The following GPC1 variants were observed in gnomAD, a reference collection of about 807,000 sequenced individuals.
GPC1 encodes the protein glypican 1.
GPC1 carries 26 observed loss-of-function variants against 51.5 expected under a neutral mutation model. That is an observed-to-expected ratio of 0.50 (90% CI 0.37 to 0.70). The LOEUF (loss-of-function observed/expected upper bound fraction) is 0.70. Among genes scored for constraint, GPC1 ranks in the 30% least tolerant of loss-of-function variants. The probability of loss-of-function intolerance (pLI) is 0.00; values close to 1 mark genes in which losing one functional copy is unlikely to be tolerated. For missense variants in GPC1, 775 were observed against 800.5 expected, an observed-to-expected ratio of 0.97 and a Z score of 0.38; for synonymous variants, 380 against 348.3, an observed-to-expected ratio of 1.09 and a Z score of -1.01.
intron 1 of GPC1, among the ~76,000 whole-genome samples, chr2:240,444,434 C>T (rs1377002949): frequency 3.9e-5 from 6 of 152,210 alleles, no homozygotes; most frequent in African/African-American, 7.2e-5. Flanking sequence ...CGTCCTCACC[C>T]GCTGGTCCAT....
Position 240,440,546 on chromosome 2 carries a change from C to T in GPC1, c.166+4462C>T, listed in dbSNP as rs190555306. On this transcript the variant is annotated intron_variant, in intron 1 of 8. Coordinates refer to ENST00000264039, the MANE Select transcript of GPC1 (RefSeq NM_002081.3). ...ACGTTTAACCGGGACTCCTCCTGGC[C>T]TCCCTGCCTCCGGTCCTGCCCAGCT... 4.0e-5 allele frequency among the ~76,000 whole-genome samples: 6 copies of T among 151,880 alleles called. No individual in the cohort carries two copies. In the East Asian group the frequency reaches 1.2e-3, roughly 30 times the overall value.
chr2:240,436,199 G>T, intron 1 of GPC1, 115 bp downstream of exon 1: 1 of 662,752 alleles, frequency 1.5e-6, no homozygotes, highest in East Asian at 3.5e-5. Context: ...CCTGCGCCCC[G>T]CCGCCCGGGC....
At chr2:240,451,082 G>A (rs982234358) in intron 1 of GPC1, 10 of 469,746 alleles carry the variant, frequency 2.1e-5, no homozygotes, top group Non-Finnish European at 4.4e-5. Flanking sequence ...GAAGTGGTTG[G>A]GTCGGAGGTG....
rs764849163 is a variant in GPC1, at chr2:240,462,527, G to T, written c.662G>T (p.Arg221Leu). The T allele has an allele frequency of 3.2e-6, 5 of 1,576,478 alleles. No homozygotes were observed. The highest frequency in any genetic ancestry group is 3.5e-5 in the Admixed American group (2 of 56,900). The change falls in exon 3 of 9, where the codon CGC becomes CTC. Residue 221 changes from arginine (R) to leucine (L), a missense_variant. By Grantham distance (102) the Arg-to-Leu change is moderately radical. Coordinates refer to ENST00000264039, the MANE Select transcript of GPC1 (RefSeq NM_002081.3). Reference protein sequence around the residue: ...LRATRAFVAARSFVQGLGVAS... With the variant: ...LRATRAFVAALSFVQGLGVAS... ...GCCACCCGTGCCTTCGTGGCTGCTCGCTCCTTTGTGCAGGGCCTGGGCGTG... is the reference window on the plus strand; with the variant it reads ...GCCACCCGTGCCTTCGTGGCTGCTCTCTCCTTTGTGCAGGGCCTGGGCGTG...
At chr2:240,456,624 T>C in intron 1 of GPC1, 1 of 470,780 alleles carries the variant, frequency 2.1e-6, no homozygotes, top group East Asian at 7.0e-5. Flanking sequence ...ACCTGTGCTC[T>C]CCTGGTCTGG....
intron 1 of GPC1, among the ~76,000 whole-genome samples, chr2:240,455,560 GA>G (rs1428882894): frequency 6.6e-6 from 1 of 152,214 alleles, no homozygotes; most frequent in East Asian, 1.9e-4. Flanking sequence ...GAAGGAGAGG[GA>G]GAGGGACATG....
intron 1 of GPC1, chr2:240,458,229 G>C (rs1174033823): frequency 2.6e-6 from 1 of 389,148 alleles, no homozygotes; most frequent in African/African-American, 2.1e-5. Context: ...ACCCATTCCA[G>C]GTGGGCCCTG....
chr2:240,439,723 T>A (rs1428073153), intron 1 of GPC1, among the ~76,000 whole-genome samples: 3 of 152,122 alleles, frequency 2.0e-5, no homozygotes, highest in African/African-American at 7.2e-5. Flanking sequence ...TCAGCGGGCC[T>A]CTCGGAGGCT....
chr2:240,458,349 C>G, intron 1 of GPC1: 1 of 273,906 alleles, frequency 3.7e-6, no homozygotes, highest in Non-Finnish European at 7.6e-6. Flanking sequence ...GCCTCGGACG[C>G]TGGAGCAGAG....
chr2:240,444,145 C>T (rs1002817993), intron 1 of GPC1, among the ~76,000 whole-genome samples: 3 of 152,172 alleles, frequency 2.0e-5, no homozygotes, highest in South Asian at 4.1e-4. Flanking sequence ...GGACACACAC[C>T]GCAGGAGGGC....
chr2:240,459,289 A>T, intron 2 of GPC1, 101 bp downstream of exon 2: 2 of 1,152,446 alleles, frequency 1.7e-6, no homozygotes, highest in Non-Finnish European at 1.2e-6. Flanking sequence ...AGGGTGGGGG[A>T]TTGGCAGGAG....
At chr2:240,456,001 G>A (rs1349217248) in intron 1 of GPC1, 3 of 430,294 alleles carry the variant, frequency 7.0e-6, no homozygotes, top group Non-Finnish European at 1.4e-5. Flanking sequence ...GGGCTCCCAG[G>A]CCGGCGCCCG....
chr2:240,461,057 A>T (rs559319777), intron 2 of GPC1, among the ~76,000 whole-genome samples: 1 of 130,958 alleles, frequency 7.6e-6, no homozygotes, highest in African/African-American at 3.1e-5. Context: ...CTGCACCTGG[A>T]TTTGGCCCAT....
chr2:240,459,546 G>A (rs1047426106), intron 2 of GPC1, among the ~76,000 whole-genome samples: 18 of 152,350 alleles, frequency 1.2e-4, no homozygotes, highest in South Asian at 4.1e-4. Flanking sequence ...CCTGCAGCTC[G>A]TCAAGTGCCC....
intron 1 of GPC1, 119 bp from the exon 2 acceptor site, chr2:240,458,911 C>A: frequency 1.1e-6 from 1 of 900,988 alleles, no homozygotes; most frequent in Non-Finnish European, 1.7e-6. Flanking sequence ...CCAGGCTGGC[C>A]CACCCCTGAG....
chr2:240,464,565 C>T, intron 4 of GPC1, 51 bp from the exon 5 acceptor site: 1 of 294,344 alleles, frequency 3.4e-6, no homozygotes, highest in Non-Finnish European at 5.0e-6. Context: ...GTGTCAACGC[C>T]TGTGTGCGCG....
In GPC1 at chr2:240,435,972, C is replaced by T; in HGVS notation, c.54C>T (p.Val18=). The stretch of plus-strand genomic sequence containing the variant: ...TGCTATGTGCGGCCGCAGCGCTGGT[C>T]GCCTGCGCCCGCGGGGACCCGGCCA... ...WWLLCAAAAL[V]ACARGDPASK... is the part of the protein sequence containing the mutation. The change falls in exon 1 of 9, where the codon GTC becomes GTT. Residue 18 remains valine (V), a synonymous_variant. Transcript: ENST00000264039. The T allele has an allele frequency of 7.4e-7, 1 of 1,349,370 alleles. No homozygotes were observed. The highest frequency in any genetic ancestry group is 9.5e-7 in the Non-Finnish European group (1 of 1,048,082). 83.6% of individuals were successfully genotyped at this position (1,349,370 alleles called of 1,614,324 possible). A position where few individuals can be genotyped will look rare whatever the true frequency, so the allele number is the denominator to read the frequency against.
At position 240,466,076 on chromosome 2, in the gene GPC1, C is replaced by T. The variant is rs747944282; in HGVS notation, c.1463C>T (p.Ser488Leu). Residue 488 changes from serine (S) to leucine (L), a missense_variant, in exon 9 of 9, where the codon TCG (serine) becomes TTG (leucine). Physicochemically the swap from Ser to Leu is moderately radical, Grantham distance 145. Transcript: ENST00000264039. ...FQDASDDGSGSGSGDGCLDDL... is the reference protein window; with the variant it reads ...FQDASDDGSGLGSGDGCLDDL... ...TTCCCAGGTGACGACGGCAGCGGCT[C>T]GGGCAGCGGTGATGGCTGTCTGGAT... is the stretch of plus-strand genomic sequence containing the variant. 14 of 1,610,568 alleles carry T rather than the reference C, an allele frequency of 8.7e-6. No individual in the cohort carries two copies. Among genetic ancestry groups the T allele is most frequent in the East Asian group, 2.2e-5 (1 of 44,856 alleles).
rs111683082 is a variant in GPC1, at chr2:240,446,953, G to A, written c.166+10869G>A. Reference sequence around the variant, plus strand: ...AGAATCCGGGGTGGACTGGTGCCCCGAGCCCGAGCATCTCATCCATGGGGG... The same window carrying A: ...AGAATCCGGGGTGGACTGGTGCCCCAAGCCCGAGCATCTCATCCATGGGGG... On this transcript the variant is annotated intron_variant, in intron 1 of 8. Coordinates refer to ENST00000264039, the MANE Select transcript of GPC1 (RefSeq NM_002081.3). 1.7e-3 allele frequency among the ~76,000 whole-genome samples: 258 copies of A among 152,270 alleles called. 1 individual carries two copies. Among genetic ancestry groups the A allele is most frequent in the African/African-American group, 5.8e-3 (241 of 41,566 alleles).
Sources: gnomAD v4.1 joint callset for allele counts (sites outside exome capture counted in the v4.1 genomes callset) on GRCh38, gnomAD v4.1.1 for gene constraint, MANE v1.5 for transcripts, NCBI Gene and HGNC (gene_info 2026-07-23, HGNC 2026-07-21) for gene names.